The following GRID1 variants were observed in gnomAD, a reference collection of about 807,000 sequenced individuals.
The protein encoded by GRID1 is glutamate ionotropic receptor delta type subunit 1.
GRID1 carries 28 observed loss-of-function variants against 98.0 expected under a neutral mutation model. The ratio of observed to expected loss-of-function variants is 0.29; its 90% CI spans 0.21 to 0.39. The LOEUF (loss-of-function observed/expected upper bound fraction) is 0.39. Ranked by LOEUF, GRID1 falls within the 10% of genes least tolerant of loss-of-function variation. GRID1 has a pLI of 1.00. For synonymous variants in GRID1, 553 were observed against 538.5 expected, an observed-to-expected ratio of 1.03 and a Z score of -0.37; for missense variants, 1,111 against 1,340.5, an observed-to-expected ratio of 0.83 and a Z score of 2.67.
At chr10:86,239,486 A>T (rs184300918) in intron 2 of GRID1, among the ~76,000 whole-genome samples, 74 of 152,358 alleles carry the variant, frequency 4.9e-4, no homozygotes, top group Admixed American at 1.2e-3. Flanking sequence ...GTGATAAAAA[A>T]TGAGACTTGG....
intron 8 of GRID1, among the ~76,000 whole-genome samples, chr10:85,749,663 C>T (rs1332384727): frequency 6.6e-6 from 1 of 152,134 alleles, no homozygotes; most frequent in Non-Finnish European, 1.5e-5. Context: ...TAATAATATC[C>T]TATCACTTCC....
chr10:85,704,754 A>G (rs1841495534), intron 12 of GRID1, among the ~76,000 whole-genome samples: 2 of 152,342 alleles, frequency 1.3e-5, no homozygotes, highest in East Asian at 1.9e-4. Flanking sequence ...AAGAACAGAA[A>G]TTATAACAAA....
intron 13 of GRID1, among the ~76,000 whole-genome samples, chr10:85,629,186 CA>C (rs1015742835): frequency 1.3e-5 from 2 of 152,148 alleles, no homozygotes; most frequent in African/African-American, 4.8e-5. Flanking sequence ...TTTTGCATCT[CA>C]AAAAGGCCAC....
At chr10:85,637,123 T>C (rs2132541719) in intron 13 of GRID1, among the ~76,000 whole-genome samples, 1 of 152,250 alleles carries the variant, frequency 6.6e-6, no homozygotes, top group South Asian at 2.1e-4. Flanking sequence ...TTTTACCACA[T>C]TGTCAGAAAA....
At chr10:86,133,064 G>C (rs139956066) in intron 4 of GRID1, among the ~76,000 whole-genome samples, 1 of 152,360 alleles carries the variant, frequency 6.6e-6, no homozygotes, top group Non-Finnish European at 1.5e-5. Flanking sequence ...TAACTGCAGA[G>C]GTCAATGCCA....
chr10:85,954,572 G>C (rs17106017), intron 4 of GRID1, among the ~76,000 whole-genome samples: 18,605 of 152,102 alleles, frequency 0.12, 1,284 homozygotes, highest in Admixed American at 0.22. Context: ...AAGATAGATG[G>C]CCCTTGATAT....
intron 4 of GRID1, among the ~76,000 whole-genome samples, chr10:86,048,448 T>C (rs558184189): frequency 6.6e-6 from 1 of 152,330 alleles, no homozygotes; most frequent in East Asian, 1.9e-4. Flanking sequence ...TTTAATATTC[T>C]AAGTTACAGG....
chr10:86,186,824 C>T (rs1218363901), intron 3 of GRID1, among the ~76,000 whole-genome samples: 4 of 152,222 alleles, frequency 2.6e-5, no homozygotes, highest in Non-Finnish European at 4.4e-5. Flanking sequence ...AAGAAGCACA[C>T]CATAGCCACA....
In GRID1 at chr10:85,856,098, G is replaced by C; in HGVS notation, c.1044C>G (p.Ser348Arg). Reference sequence around the variant, plus strand: ...TAGTGGATTTCCGTATGCAGTTGAGGCTCGCCATGCTATGCCACTTCCGGT... The same window carrying C: ...TAGTGGATTTCCGTATGCAGTTGAGCCTCGCCATGCTATGCCACTTCCGGT... ...LEDRKWHSMA[S>R]LNCIRKSTKP... Residue 348 changes from serine to arginine, a missense_variant, in exon 7 of 16, where the codon AGC (serine) becomes AGG (arginine). Coordinates refer to ENST00000327946, the MANE Select transcript of GRID1 (RefSeq NM_017551.3). The C allele has an allele frequency of 6.2e-7, 1 of 1,614,096 alleles. No individual in the cohort carries two copies. Among genetic ancestry groups the C allele is most frequent in the Non-Finnish European group, 8.5e-7 (1 of 1,179,944 alleles).
chr10:86,328,002 CTA>C (rs1177442430), intron 2 of GRID1, among the ~76,000 whole-genome samples: 1 of 103,872 alleles, frequency 9.6e-6, no homozygotes, highest in East Asian at 2.4e-4. Context: ...ACCTAACTAT[CTA>C]TTAAGGGGGG....
At chr10:86,009,903 C>T (rs1477376742) in intron 4 of GRID1, among the ~76,000 whole-genome samples, 1 of 152,196 alleles carries the variant, frequency 6.6e-6, no homozygotes, top group Non-Finnish European at 1.5e-5. Flanking sequence ...AGGCTGAAAA[C>T]CCATGTCTCA....
chr10:85,781,178 C>G (rs1006079210), intron 8 of GRID1, among the ~76,000 whole-genome samples: 1 of 152,228 alleles, frequency 6.6e-6, no homozygotes, highest in African/African-American at 2.4e-5. Context: ...ATTTGAATCT[C>G]TGCTCACAGA....
chr10:86,247,781 G>T (rs1846755588), intron 2 of GRID1, among the ~76,000 whole-genome samples: 2 of 152,264 alleles, frequency 1.3e-5, no homozygotes, highest in South Asian at 4.1e-4. Context: ...AGACCCCAGG[G>T]AGCACCCAGC....
At chr10:86,238,044 A>G (rs1216895838) in intron 2 of GRID1, among the ~76,000 whole-genome samples, 1 of 152,248 alleles carries the variant, frequency 6.6e-6, no homozygotes, top group East Asian at 1.9e-4. Context: ...AGAAAACAGG[A>G]AGATGAGGGA....
chr10:85,859,668 C>T (rs1298912083), intron 6 of GRID1, among the ~76,000 whole-genome samples: 1 of 152,096 alleles, frequency 6.6e-6, no homozygotes, highest in African/African-American at 2.4e-5. Flanking sequence ...CCACTTACTC[C>T]TAACTCTTCC....
intron 2 of GRID1, among the ~76,000 whole-genome samples, chr10:86,285,534 C>A (rs1369689380): frequency 6.6e-6 from 1 of 152,238 alleles, no homozygotes; most frequent in African/African-American, 2.4e-5. Context: ...AACACAGGAA[C>A]CCTGTGCCAC....
chr10:86,139,005 G>A lies in GRID1; in HGVS notation c.540C>T (p.Ser180=). Reference sequence around the variant, plus strand: ...CCAGCCGCGAGGCCTGGTCCAGAAAGCTTTGAAGCCCACGGATATCTGAGC... The same window carrying A: ...CCAGCCGCGAGGCCTGGTCCAGAAAACTTTGAAGCCCACGGATATCTGAGC... ...DSEYDIRGLQ[S]FLDQASRLGL... is the part of the protein sequence containing the mutation. Residue 180 remains serine, a synonymous_variant, in exon 4 of 16, where the codon AGC becomes AGT. Transcript: ENST00000327946. The A allele has an allele frequency of 6.2e-7, 1 of 1,613,560 alleles. No homozygotes were observed. Among genetic ancestry groups the A allele is most frequent in the Non-Finnish European group, 8.5e-7 (1 of 1,179,448 alleles).
intron 3 of GRID1, among the ~76,000 whole-genome samples, chr10:86,145,335 G>T (rs1845071575): frequency 6.6e-6 from 1 of 152,110 alleles, no homozygotes; most frequent in Non-Finnish European, 1.5e-5. Context: ...TGATTCTCTT[G>T]CCTCAGCCTC....
At chr10:85,831,203 C>A (rs577108884) in intron 8 of GRID1, among the ~76,000 whole-genome samples, 1 of 151,972 alleles carries the variant, frequency 6.6e-6, no homozygotes, top group African/African-American at 2.4e-5. Context: ...CAAACTAACA[C>A]AAGAACAGAA....
Sources: allele counts gnomAD v4.1 joint callset (sites outside exome capture counted in the v4.1 genomes callset), GRCh38; gene constraint gnomAD v4.1.1; transcripts MANE v1.5; gene names NCBI Gene and HGNC (gene_info 2026-07-23, HGNC 2026-07-21).